DNM1L: variants seen among roughly 807,000 people sequenced by gnomAD.
DNM1L encodes the protein dynamin 1L.
A neutral mutation model predicts 92.8 loss-of-function variants in DNM1L; 33 were observed. The observed-to-expected ratio is 0.36, with a 90% confidence interval of 0.27 to 0.48. The LOEUF (loss-of-function observed/expected upper bound fraction) is 0.48, where lower values mean the gene tolerates loss of function less well. Ranked by LOEUF, DNM1L falls within the 20% of genes least tolerant of loss-of-function variation. DNM1L has a pLI of 0.99. For missense variants in DNM1L, 485 were observed against 888.8 expected (o/e 0.55, Z 5.78); for synonymous variants, 284 against 305.0 (o/e 0.93, Z 0.72).
chr12:32,711,118 C>T (rs900468143), intron 5 of DNM1L, 103 bp downstream of exon 5: 3 of 1,022,850 alleles, frequency 2.9e-6, no homozygotes, highest in African/African-American at 3.2e-5. Context: ...GATCTGTTAG[C>T]AGCATTTGAT....
chr12:32,691,279 G>A (rs10771983), intron 1 of DNM1L, among the ~76,000 whole-genome samples: 23,401 of 151,936 alleles, frequency 0.15, 1,905 homozygotes, highest in Middle Eastern at 0.21. Context: ...TCGCTCTGTC[G>A]CCAGGCTGGA....
chr12:32,731,976 C>A lies in DNM1L; in HGVS notation c.1446+33C>A. ...ACTATAGCATAGATCATTGTAATTACTATTAGTAAAAGTTTAAATTTTTGC... is the reference window on the plus strand; with the variant it reads ...ACTATAGCATAGATCATTGTAATTAATATTAGTAAAAGTTTAAATTTTTGC... On this transcript the variant is annotated intron_variant, in intron 12 of 19. Coordinates refer to ENST00000549701, the MANE Select transcript of DNM1L (RefSeq NM_012062.5). The surrounding 1 kb of genome is among the most constrained non-coding windows in gnomAD (Gnocchi z 5.1). The A allele has an allele frequency of 6.5e-7, 1 of 1,535,828 alleles. No homozygotes were observed. The highest frequency in any genetic ancestry group is 9.0e-7 in the Non-Finnish European group (1 of 1,109,978).
At chr12:32,727,075 C>A in intron 9 of DNM1L, 2 of 726,026 alleles carry the variant, frequency 2.8e-6, no homozygotes, top group South Asian at 2.9e-5. Context: ...TTGGGGTCTT[C>A]TTTTTCTTCA....
intron 1 of DNM1L, among the ~76,000 whole-genome samples, chr12:32,694,305 C>T (rs866676198): frequency 2.0e-5 from 3 of 152,010 alleles, no homozygotes; most frequent in East Asian, 2.0e-4. Context: ...AGGTTGGTCT[C>T]GAACTCCTGA....
chr12:32,717,895 T>C (rs1953569350), intron 6 of DNM1L, among the ~76,000 whole-genome samples: 1 of 100,974 alleles, frequency 9.9e-6, no homozygotes, highest in Non-Finnish European at 1.8e-5. Flanking sequence ...TTATATATAC[T>C]ATATATAGTA....
At chr12:32,714,563 T>C (rs1315184678) in intron 6 of DNM1L, among the ~76,000 whole-genome samples, 1 of 152,128 alleles carries the variant, frequency 6.6e-6, no homozygotes, top group Non-Finnish European at 1.5e-5. Flanking sequence ...TGAGCCACCG[T>C]GCTTGGCCCC....
At chr12:32,704,465 G>A (rs1464942021) in intron 2 of DNM1L, among the ~76,000 whole-genome samples, 6 of 151,374 alleles carry the variant, frequency 4.0e-5, no homozygotes, top group African/African-American at 9.7e-5. Flanking sequence ...CAGGAGAATC[G>A]CTTGAACCCG....
intron 2 of DNM1L, chr12:32,705,680 T>A (rs1952894146): frequency 2.8e-6 from 2 of 719,166 alleles, no homozygotes; most frequent in Non-Finnish European, 4.5e-6. Context: ...CCACTAACTT[T>A]ACTTTCGTCA....
At chr12:32,704,144 G>T (rs2137317530) in intron 2 of DNM1L, among the ~76,000 whole-genome samples, 1 of 151,964 alleles carries the variant, frequency 6.6e-6, no homozygotes, top group Middle Eastern at 3.4e-3. Context: ...TGCTATATAT[G>T]ATACTTCTGA....
At chr12:32,706,550 A>T (rs1952935082) in intron 2 of DNM1L, 1 of 362,466 alleles carries the variant, frequency 2.8e-6, no homozygotes, top group Non-Finnish European at 5.4e-6. Flanking sequence ...GCAACAGTGA[A>T]TCTATTTTCC....
chr12:32,683,925 T>C (rs1173038552), intron 1 of DNM1L, among the ~76,000 whole-genome samples: 1 of 152,216 alleles, frequency 6.6e-6, no homozygotes, highest in African/African-American at 2.4e-5. Flanking sequence ...ATGATCTGCC[T>C]GCCTCAGCCT....
At chr12:32,701,597 T>C in intron 2 of DNM1L, 35 bp downstream of exon 2, 4 of 1,559,802 alleles carry the variant, frequency 2.6e-6, no homozygotes, top group Non-Finnish European at 3.5e-6. Flanking sequence ...ATTTTACAGC[T>C]CTTCATTTTT....
intron 5 of DNM1L, 99 bp from the exon 6 acceptor site, chr12:32,713,110 T>A (rs1953204500): frequency 8.5e-7 from 1 of 1,182,402 alleles, no homozygotes; most frequent in Non-Finnish European, 1.2e-6. Flanking sequence ...TTTTAACTAT[T>A]TTTAAATGGA....
chr12:32,731,300 C>T lies in DNM1L; in HGVS notation c.1201-56C>T. 1.9e-6 allele frequency: 3 copies of T among 1,609,870 alleles called. No individual in the cohort carries two copies. The highest frequency in any genetic ancestry group is 2.5e-6 in the Non-Finnish European group (3 of 1,177,576). ...TACCAAAAATGTGACTTTCTTAACC[C>T]TTGGGAAGAACTGAAATTACATATA... On this transcript the variant is annotated intron_variant, in intron 10 of 19. Coordinates refer to ENST00000549701, the MANE Select transcript of DNM1L (RefSeq NM_012062.5). The surrounding 1 kb of genome is among the most constrained non-coding windows in gnomAD (Gnocchi z 5.1).
intron 14 of DNM1L, chr12:32,737,481 A>T (rs1954973247): frequency 5.2e-6 from 2 of 387,368 alleles, no homozygotes; most frequent in Non-Finnish European, 9.4e-6. Context: ...ATTTTATTAT[A>T]ATAAGAGGGT....
intron 1 of DNM1L, among the ~76,000 whole-genome samples, chr12:32,695,740 C>T (rs1476650953): frequency 5.3e-5 from 8 of 152,116 alleles, no homozygotes; most frequent in Admixed American, 4.6e-4. Flanking sequence ...CCACCGCACA[C>T]CAGCCTGGGC....
chr12:32,740,360 C>T (rs772716461), intron 17 of DNM1L, 49 bp from the exon 18 acceptor site: 1 of 1,607,804 alleles, frequency 6.2e-7, no homozygotes. Flanking sequence ...TTAAAGCTGC[C>T]ATTTTAGTGT....
At chr12:32,683,593 G>A (rs915086222) in intron 1 of DNM1L, among the ~76,000 whole-genome samples, 1 of 151,944 alleles carries the variant, frequency 6.6e-6, no homozygotes, top group African/African-American at 2.4e-5. Flanking sequence ...TGTCCAGGCT[G>A]GAGTGCAGTG....
At chr12:32,727,840 G>A (rs1460960740) in intron 9 of DNM1L, among the ~76,000 whole-genome samples, 1 of 152,142 alleles carries the variant, frequency 6.6e-6, no homozygotes, top group African/African-American at 2.4e-5. Context: ...TGGACTACCT[G>A]CATCTGTCTT....
Sources: gnomAD v4.1 joint callset for allele counts (sites outside exome capture counted in the v4.1 genomes callset) on GRCh38, gnomAD v4.1.1 for gene constraint, Gnocchi (gnomAD v3.1) non-coding constraint, MANE v1.5 for transcripts, NCBI Gene and HGNC (gene_info 2026-07-23, HGNC 2026-07-21) for gene names.